RHOT1: variants seen among roughly 807,000 people sequenced by gnomAD.
The protein encoded by RHOT1 is mitochondrial Rho GTPase 1.
RHOT1 carries 27 observed loss-of-function variants against 95.3 expected under a neutral mutation model. The observed-to-expected ratio is 0.28, with a 90% CI of 0.21 to 0.39. The LOEUF (loss-of-function observed/expected upper bound fraction) is 0.39, where lower values mean the gene tolerates loss of function less well. Ranked by LOEUF, RHOT1 falls within the 10% of genes least tolerant of loss-of-function variation. The pLI is 1.00. For synonymous variants in RHOT1, 227 were observed against 263.5 expected, an observed-to-expected ratio of 0.86 and a Z score of 1.34; for missense variants, 578 against 786.7, an observed-to-expected ratio of 0.73 and a Z score of 3.17.
chr17:32,194,323 A>G (rs761729025), intron 11 of RHOT1, among the ~76,000 whole-genome samples: 1 of 152,194 alleles, frequency 6.6e-6, no homozygotes, highest in Non-Finnish European at 1.5e-5. Flanking sequence ...TTGATTTAGC[A>G]CACATGGGGA....
chr17:32,192,197 A>T lies in RHOT1; in HGVS notation c.541-4A>T. 1 of 1,329,752 alleles carries T rather than the reference A, an allele frequency of 7.5e-7. No individual in the cohort carries two copies. The allele number at this position is 1,329,752 out of a possible 1,614,324, so 82.4% of individuals were successfully genotyped here. On this transcript the variant is annotated splice_polypyrimidine_tract_variant and splice_region_variant and intron_variant, in intron 8 of 19. Coordinates refer to ENST00000545287, the MANE Select transcript of RHOT1 (RefSeq NM_001033566.3). Reference sequence around the variant, plus strand: ...CAATTATTTCTTTTCTCAATGATTTATAGATGAAACCAGCTTGTATAAAAG... The same window carrying T: ...CAATTATTTCTTTTCTCAATGATTTTTAGATGAAACCAGCTTGTATAAAAG...
At chr17:32,223,339 T>C (rs748929992) in intron 19 of RHOT1, among the ~76,000 whole-genome samples, 21 of 152,146 alleles carry the variant, frequency 1.4e-4, no homozygotes, top group Non-Finnish European at 2.6e-4. Flanking sequence ...TTGCTTCAAA[T>C]CTGTTTAACT....
chr17:32,154,391 T>G (rs1467524727), intron 1 of RHOT1, among the ~76,000 whole-genome samples: 1 of 147,916 alleles, frequency 6.8e-6, no homozygotes, highest in Admixed American at 6.8e-5. Flanking sequence ...CCATCCTGGC[T>G]AACACAGTGA....
chr17:32,223,529 C>G (rs1293729153), intron 19 of RHOT1, among the ~76,000 whole-genome samples: 7 of 151,936 alleles, frequency 4.6e-5, no homozygotes, highest in African/African-American at 7.3e-5. Context: ...ATTCTCCTGC[C>G]TCAGCCTCCC....
intron 10 of RHOT1, 48 bp from the exon 11 acceptor site, chr17:32,193,939 C>A (rs41274290): frequency 6.3e-7 from 1 of 1,589,882 alleles, no homozygotes; most frequent in Non-Finnish European, 8.6e-7. Flanking sequence ...ACATGCTTTT[C>A]TCCTATGTGA....
chr17:32,151,104 T>C (rs1301626496), intron 1 of RHOT1: 2 of 922,240 alleles, frequency 2.2e-6, no homozygotes, highest in East Asian at 4.8e-5. Flanking sequence ...GGTTATCATC[T>C]CACATCCTCT....
At chr17:32,172,994 T>G (rs1252167878) in intron 2 of RHOT1, 2 of 152,186 alleles carry the variant, frequency 1.3e-5, no homozygotes, top group Admixed American at 6.5e-5. Context: ...TTCAACAAAA[T>G]AGAATGAAAA....
chr17:32,202,750 T>TTTA lies in RHOT1; in HGVS notation c.1202-8_1202-6dup. ...AAGTGGTACATATTTAGTGGGGTTTTTTATTATTATTATTTTTAGTGACAA... is the reference window on the plus strand; with the variant it reads ...AAGTGGTACATATTTAGTGGGGTTTTTTATTATTATTATTATTTTTAGTGACAA... On this transcript the variant is annotated intron_variant, in intron 14 of 19. Transcript: ENST00000545287. 2 of 1,540,842 alleles carry TTTA rather than the reference T, an allele frequency of 1.3e-6. No homozygotes were observed. The highest frequency in any genetic ancestry group is 1.2e-5 in the South Asian group (1 of 83,996).
chr17:32,219,665 G>A (rs527676459), intron 19 of RHOT1, among the ~76,000 whole-genome samples: 5 of 152,226 alleles, frequency 3.3e-5, no homozygotes, highest in African/African-American at 7.2e-5. Flanking sequence ...AAGTCCAGAC[G>A]TGTTGGTTGG....
chr17:32,176,332 T>C (rs2034996457), intron 6 of RHOT1, 119 bp downstream of exon 6: 1 of 740,320 alleles, frequency 1.4e-6, no homozygotes, highest in African/African-American at 1.8e-5. Flanking sequence ...AGGTAACGTT[T>C]TGCCACGTTT....
chr17:32,166,527 C>T (rs1408665999), intron 1 of RHOT1, among the ~76,000 whole-genome samples: 1 of 152,214 alleles, frequency 6.6e-6, no homozygotes, highest in Admixed American at 6.5e-5. Context: ...GCATTTTACC[C>T]ACAGTGGAAC....
chr17:32,203,269 C>CTTCTTTTTTTTTTTTTTTT (rs1485362280), intron 15 of RHOT1, among the ~76,000 whole-genome samples: 2 of 72,328 alleles, frequency 2.8e-5, no homozygotes, highest in African/African-American at 1.2e-4. Flanking sequence ...TCTTCTTCTT[C>CTTCTTTTTTTTTTTTTTTT]TTTTTTTTTT....
chr17:32,152,319 T>A (rs544599148), intron 1 of RHOT1, among the ~76,000 whole-genome samples: 3 of 152,338 alleles, frequency 2.0e-5, no homozygotes, highest in Admixed American at 1.3e-4. Flanking sequence ...AGAACTGACC[T>A]TCAGACTAAT....
At chr17:32,206,143 G>A (rs2037703886) in intron 16 of RHOT1, among the ~76,000 whole-genome samples, 1 of 150,864 alleles carries the variant, frequency 6.6e-6, no homozygotes, top group African/African-American at 2.4e-5. Context: ...GCATGTAGAG[G>A]GCCTGCCCCC....
In RHOT1 at chr17:32,173,929, T is replaced by A. The variant is rs1174105101; in HGVS notation, c.178+17T>A. The A allele has an allele frequency of 1.3e-6, 2 of 1,520,882 alleles. No individual in the cohort carries two copies. The highest frequency in any genetic ancestry group is 1.8e-6 in the Non-Finnish European group (2 of 1,101,132). 94.2% of individuals were successfully genotyped at this position (1,520,882 alleles called of 1,614,324 possible). A position where few individuals can be genotyped will look rare whatever the true frequency, so the allele number is the denominator to read the frequency against. ...ATTACTCAGGTAATGAATATCCTCT[T>A]GTAGATGAAGGTGTAGGTTAATTTA... is the stretch of plus-strand genomic sequence containing the variant. On this transcript the variant is annotated intron_variant, in intron 3 of 19. Transcript: ENST00000545287.
At chr17:32,193,951 T>C (rs1294558681) in intron 10 of RHOT1, 36 bp from the exon 11 acceptor site, 1 of 1,607,516 alleles carries the variant, frequency 6.2e-7, no homozygotes, top group Admixed American at 1.7e-5. Flanking sequence ...CCTATGTGAC[T>C]CTGTACACTT....
chr17:32,190,869 C>T (rs1402432524), intron 8 of RHOT1, among the ~76,000 whole-genome samples: 17 of 152,154 alleles, frequency 1.1e-4, no homozygotes, highest in African/African-American at 2.4e-5. Context: ...AATATCGGCT[C>T]ACTGCAACCT....
Position 32,146,607 on chromosome 17 carries a change from G to A in RHOT1, c.37+3878G>A, listed in dbSNP as rs531386279. ...ACTACAGGTGCCCACCACCACGCCC[G>A]GCTAATTTTTTTTTTTTTTTTTTTG... is the stretch of plus-strand genomic sequence containing the variant. On this transcript the variant is annotated intron_variant, in intron 1 of 19. Coordinates refer to ENST00000545287, the MANE Select transcript of RHOT1 (RefSeq NM_001033566.3). Among the ~76,000 whole-genome samples, 1,420 of 148,276 alleles carry A rather than the reference G, an allele frequency of 9.6e-3. 28 individuals carry two copies. The highest frequency in any genetic ancestry group is 0.034 in the African/African-American group (1,338 of 39,784).
chr17:32,162,551 C>T (rs564207848), intron 1 of RHOT1, among the ~76,000 whole-genome samples: 1 of 152,146 alleles, frequency 6.6e-6, no homozygotes, highest in Non-Finnish European at 1.5e-5. Context: ...TCCAGAATCT[C>T]CAGGAGGTGG....
Sources: allele counts gnomAD v4.1 joint callset (sites outside exome capture counted in the v4.1 genomes callset), GRCh38; gene constraint gnomAD v4.1.1; transcripts MANE v1.5; gene names NCBI Gene and HGNC (gene_info 2026-07-23, HGNC 2026-07-21).